Variants in MAGI1 observed in about 807,000 individuals in gnomAD.
MAGI1 encodes the protein membrane-associated guanylate kinase, WW and PDZ domain-containing protein 1.
MAGI1 carries 58 observed loss-of-function variants against 139.9 expected under a neutral mutation model. The ratio of observed to expected loss-of-function variants is 0.41; its 90% CI spans 0.34 to 0.52. The LOEUF (loss-of-function observed/expected upper bound fraction) is 0.52. Ranked by LOEUF, MAGI1 falls within the 20% of genes least tolerant of loss-of-function variation. The pLI is 0.12. For synonymous variants in MAGI1, 812 were observed against 737.9 expected (o/e 1.10, Z -1.63); for missense variants, 1,874 against 1,901.6 (o/e 0.99, Z 0.27).
intron 22 of MAGI1, chr3:65,359,448 A>G (rs1940563953): frequency 8.6e-7 from 1 of 1,163,528 alleles, no homozygotes; most frequent in African/African-American, 1.5e-5. Context: ...TTTTTCAAAC[A>G]ACTGGAACAA....
intron 17 of MAGI1, among the ~76,000 whole-genome samples, chr3:65,376,845 T>A (rs1425328799): frequency 6.6e-6 from 1 of 152,134 alleles, no homozygotes; most frequent in East Asian, 1.9e-4. Flanking sequence ...CCGAGAAAAG[T>A]GCATTTGGAG....
chr3:65,358,204 G>A (rs1020694203), intron 22 of MAGI1, among the ~76,000 whole-genome samples: 1 of 152,124 alleles, frequency 6.6e-6, no homozygotes, highest in Non-Finnish European at 1.5e-5. Flanking sequence ...GTTTTAGGCA[G>A]TGTCCTGAAT....
chr3:65,812,506 CTTT>C (rs2041330559), intron 1 of MAGI1, among the ~76,000 whole-genome samples: 1 of 139,054 alleles, frequency 7.2e-6, no homozygotes, highest in African/African-American at 2.7e-5. Flanking sequence ...CTATCATTTT[CTTT>C]TATTTCAGGA....
At chr3:65,968,217 A>T (rs1576300069) in intron 1 of MAGI1, among the ~76,000 whole-genome samples, 1 of 152,256 alleles carries the variant, frequency 6.6e-6, no homozygotes, top group African/African-American at 2.4e-5. Context: ...TATCGAACAA[A>T]AACATGAAAT....
At chr3:65,645,536 A>T (rs1314687536) in intron 1 of MAGI1, among the ~76,000 whole-genome samples, 4 of 152,190 alleles carry the variant, frequency 2.6e-5, no homozygotes, top group Non-Finnish European at 5.9e-5. Context: ...TCCTAAAAAG[A>T]TGACTAGAGA....
intron 5 of MAGI1, among the ~76,000 whole-genome samples, chr3:65,465,929 T>G (rs969604470): frequency 2.0e-5 from 3 of 152,184 alleles, no homozygotes; most frequent in African/African-American, 7.2e-5. Flanking sequence ...CTTCCCCCAG[T>G]TGATTTTCTC....
At chr3:65,840,007 T>C (rs939242480) in intron 1 of MAGI1, among the ~76,000 whole-genome samples, 5 of 152,236 alleles carry the variant, frequency 3.3e-5, no homozygotes, top group Admixed American at 1.3e-4. Context: ...TACCTAAGTA[T>C]ACCTTTTTGT....
intron 1 of MAGI1, among the ~76,000 whole-genome samples, chr3:65,982,015 G>A (rs1244067252): frequency 2.6e-5 from 4 of 152,190 alleles, no homozygotes; most frequent in Non-Finnish European, 4.4e-5. Context: ...CGAGGCATCT[G>A]TCTGCCTCCA....
At position 65,531,158 on chromosome 3, in the gene MAGI1, CA is replaced by C. The variant is rs879502017; in HGVS notation, c.431-37528del. On this transcript the variant is annotated intron_variant, in intron 2 of 22. Transcript: ENST00000402939. ...TTTTACATTAAATTCTCTCAGGACACAAAAAAAAAATCTGAAAAAAATCAAC... is the reference window on the plus strand; with the variant it reads ...TTTTACATTAAATTCTCTCAGGACACAAAAAAAAATCTGAAAAAAATCAAC... 1.7e-3 allele frequency among the ~76,000 whole-genome samples: 247 copies of C among 148,808 alleles called. 5 individuals carry two copies. The East Asian group carries it at 0.035, about 21-fold the overall frequency.
intron 5 of MAGI1, among the ~76,000 whole-genome samples, chr3:65,460,460 A>G (rs1265104048): frequency 6.6e-6 from 1 of 152,096 alleles, no homozygotes; most frequent in East Asian, 1.9e-4. Context: ...TTAAATATAC[A>G]AATTCATCCC....
intron 2 of MAGI1, among the ~76,000 whole-genome samples, chr3:65,591,865 T>C (rs921544104): frequency 6.6e-6 from 1 of 152,172 alleles, no homozygotes; most frequent in Non-Finnish European, 1.5e-5. Context: ...TGTGCTTATA[T>C]GTTACTTTTC....
chr3:65,690,526 G>C (rs1357657564), intron 1 of MAGI1, among the ~76,000 whole-genome samples: 4 of 151,980 alleles, frequency 2.6e-5, no homozygotes, highest in African/African-American at 9.7e-5. Flanking sequence ...ACTCAGGCTG[G>C]AGTGCAGTGT....
At chr3:65,974,857 G>A (rs948121643) in intron 1 of MAGI1, among the ~76,000 whole-genome samples, 1 of 152,152 alleles carries the variant, frequency 6.6e-6, no homozygotes. Context: ...GCCATCATTA[G>A]GCTATTGGTC....
At chr3:65,500,411 T>A (rs1411302155) in intron 2 of MAGI1, among the ~76,000 whole-genome samples, 1 of 152,170 alleles carries the variant, frequency 6.6e-6, no homozygotes, top group Non-Finnish European at 1.5e-5. Context: ...AAAGCTTGAG[T>A]GGCTATCTGC....
At chr3:65,556,709 C>G (rs887530172) in intron 2 of MAGI1, among the ~76,000 whole-genome samples, 1 of 152,186 alleles carries the variant, frequency 6.6e-6, no homozygotes, top group Admixed American at 6.5e-5. Flanking sequence ...TACCTATAAT[C>G]CACGCTGTTA....
At chr3:65,664,555 T>C (rs2086392577) in intron 1 of MAGI1, among the ~76,000 whole-genome samples, 1 of 152,228 alleles carries the variant, frequency 6.6e-6, no homozygotes, top group African/African-American at 2.4e-5. Flanking sequence ...CAGTGGTTTC[T>C]CATTCCAGTT....
At chr3:65,739,641 G>A (rs570091895) in intron 1 of MAGI1, among the ~76,000 whole-genome samples, 78 of 152,262 alleles carry the variant, frequency 5.1e-4, no homozygotes, top group African/African-American at 1.8e-3. Flanking sequence ...CACTTAAAGA[G>A]TCCATTGCAG....
intron 1 of MAGI1, among the ~76,000 whole-genome samples, chr3:65,983,991 C>T (rs2065735971): frequency 6.6e-6 from 1 of 152,080 alleles, no homozygotes; most frequent in Non-Finnish European, 1.5e-5. Context: ...TAATTGAGTG[C>T]CTTCTTAAAA....
At chr3:65,471,553 C>T (rs967454462) in intron 4 of MAGI1, among the ~76,000 whole-genome samples, 8 of 152,118 alleles carry the variant, frequency 5.3e-5, no homozygotes, top group Middle Eastern at 3.2e-3. Context: ...CAATAATCTA[C>T]CACCCTTGAG....
Sources: gnomAD v4.1 joint callset for allele counts (sites outside exome capture counted in the v4.1 genomes callset) on GRCh38, gnomAD v4.1.1 for gene constraint, MANE v1.5 for transcripts, NCBI Gene and HGNC (gene_info 2026-07-23, HGNC 2026-07-21) for gene names.